RFX4: variants seen among roughly 807,000 people sequenced by gnomAD.
RFX4 encodes the protein regulatory factor X4.
In RFX4, 10 loss-of-function variants were observed where a neutral mutation model predicts 95.0. The ratio of observed to expected loss-of-function variants is 0.11; its 90% CI spans 0.06 to 0.18. The LOEUF (loss-of-function observed/expected upper bound fraction) is 0.18. Ranked by LOEUF, RFX4 falls within the 10% of genes least tolerant of loss-of-function variation. The pLI is 1.00. For missense variants in RFX4, 640 were observed against 922.0 expected, an observed-to-expected ratio of 0.69 and a Z score of 3.96; for synonymous variants, 321 against 340.7, an observed-to-expected ratio of 0.94 and a Z score of 0.64.
chr12:106,727,867 C>T (rs1168586022), intron 13 of RFX4, among the ~76,000 whole-genome samples: 1 of 152,194 alleles, frequency 6.6e-6, no homozygotes, highest in African/African-American at 2.4e-5. Context: ...GATCTGCCCG[C>T]CTCGGCCTCC....
chr12:106,681,236 A>T (rs2041502500), intron 4 of RFX4: 2 of 152,228 alleles, frequency 1.3e-5, no homozygotes, highest in Admixed American at 1.3e-4. Context: ...GCATGTGCCA[A>T]ACCCTGTATG....
At chr12:106,695,495 C>T (rs1252377976) in intron 7 of RFX4, among the ~76,000 whole-genome samples, 2 of 152,212 alleles carry the variant, frequency 1.3e-5, no homozygotes, top group South Asian at 2.1e-4. Flanking sequence ...TGGACATTCA[C>T]TCTGCCCTTC....
In RFX4 at chr12:106,747,817, A is replaced by G. The variant is rs558661157; in HGVS notation, c.1796+218A>G. ...GTGGCTTACACCGATAATCCCTGCT[A>G]CTTGGGAGGCTGAGGTGGGAGAATT... On this transcript the variant is annotated intron_variant, in intron 16 of 17. Transcript: ENST00000392842. Among the ~76,000 whole-genome samples, 3 of 151,970 alleles carry G rather than the reference A, an allele frequency of 2.0e-5. No individual in the cohort carries two copies. In the East Asian group the frequency reaches 5.8e-4, roughly 29 times the overall value.
At chr12:106,734,955 G>C (rs2137570854) in intron 15 of RFX4, among the ~76,000 whole-genome samples, 1 of 151,650 alleles carries the variant, frequency 6.6e-6, no homozygotes, top group East Asian at 1.9e-4. Flanking sequence ...GGTGGAGGCT[G>C]AGATGGGAGG....
intron 4 of RFX4, chr12:106,680,975 C>T (rs1592931173): frequency 6.6e-6 from 1 of 152,190 alleles, no homozygotes; most frequent in South Asian, 2.1e-4. Flanking sequence ...TTCAGGTAGT[C>T]GAGTTCCAGA....
At chr12:106,726,776 CA>C (rs2137545658) in intron 13 of RFX4, among the ~76,000 whole-genome samples, 1 of 152,010 alleles carries the variant, frequency 6.6e-6, no homozygotes, top group Non-Finnish European at 1.5e-5. Flanking sequence ...ATGACTCAAC[CA>C]CACTTTTTTT....
intron 2 of RFX4, among the ~76,000 whole-genome samples, chr12:106,631,131 G>A (rs796907367): frequency 1.3e-5 from 2 of 152,332 alleles, no homozygotes; most frequent in South Asian, 4.1e-4. Flanking sequence ...ACTGTTCACT[G>A]TCTAGGGCAG....
At chr12:106,641,963 ATATC>A (rs201044888) in intron 3 of RFX4, among the ~76,000 whole-genome samples, 15,084 of 118,270 alleles carry the variant, frequency 0.13, 815 homozygotes, top group African/African-American at 0.17. Flanking sequence ...ATCTATATCT[ATATC>A]TATCTATATC....
chr12:106,658,259 A>G (rs2041000811), intron 4 of RFX4, among the ~76,000 whole-genome samples: 3 of 152,124 alleles, frequency 2.0e-5, no homozygotes, highest in Admixed American at 2.0e-4. Context: ...CCATTAGCCC[A>G]TTTACTGAGT....
At chr12:106,627,539 G>GA (rs1182398384) in intron 2 of RFX4, among the ~76,000 whole-genome samples, 2 of 151,990 alleles carry the variant, frequency 1.3e-5, no homozygotes, top group East Asian at 3.9e-4. Flanking sequence ...CTCCGTCTCA[G>GA]AAAAAAACAA....
At chr12:106,748,697 C>T (rs2042940560) in intron 16 of RFX4, among the ~76,000 whole-genome samples, 1 of 152,104 alleles carries the variant, frequency 6.6e-6, no homozygotes, top group African/African-American at 2.4e-5. Flanking sequence ...ACCTGTAATC[C>T]CAGCACTTTG....
At chr12:106,616,070 C>A (rs1374268705) in intron 2 of RFX4, among the ~76,000 whole-genome samples, 1 of 152,134 alleles carries the variant, frequency 6.6e-6, no homozygotes, top group African/African-American at 2.4e-5. Flanking sequence ...TAGTGTTTCA[C>A]CATTAGGTGA....
At chr12:106,616,526 T>C (rs1357190406) in intron 2 of RFX4, among the ~76,000 whole-genome samples, 1 of 152,174 alleles carries the variant, frequency 6.6e-6, no homozygotes, top group East Asian at 1.9e-4. Context: ...TTTTGAAGAG[T>C]TATATAAGAT....
chr12:106,729,365 T>C (rs1382888340), intron 13 of RFX4, among the ~76,000 whole-genome samples: 3 of 152,218 alleles, frequency 2.0e-5, no homozygotes, highest in Non-Finnish European at 4.4e-5. Context: ...TCTTAGAACA[T>C]AGCAGCAAAA....
chr12:106,750,601 A>C, intron 16 of RFX4, 54 bp from the exon 17 acceptor site: 1 of 1,371,192 alleles, frequency 7.3e-7, no homozygotes, highest in Admixed American at 2.8e-5. Context: ...AAGGTGTCAA[A>C]CTGATCTGTT....
chr12:106,746,208 T>C (rs1351130747), intron 15 of RFX4, among the ~76,000 whole-genome samples: 2 of 151,830 alleles, frequency 1.3e-5, no homozygotes, highest in Admixed American at 1.3e-4. Flanking sequence ...ATACAAATAT[T>C]AGCCAGGCAT....
intron 8 of RFX4, among the ~76,000 whole-genome samples, chr12:106,698,697 T>A (rs1276500392): frequency 6.6e-6 from 1 of 151,642 alleles, no homozygotes; most frequent in Non-Finnish European, 1.5e-5. Flanking sequence ...TTCCCTCTCT[T>A]CTTTTTTTTT....
intron 10 of RFX4, among the ~76,000 whole-genome samples, chr12:106,712,645 G>T (rs2042214043): frequency 2.0e-5 from 3 of 152,118 alleles, no homozygotes; most frequent in Non-Finnish European, 4.4e-5. Flanking sequence ...GACAGCACAG[G>T]GGATGATTTG....
At chr12:106,734,130 G>C (rs112970989) in intron 15 of RFX4, among the ~76,000 whole-genome samples, 1 of 152,278 alleles carries the variant, frequency 6.6e-6, no homozygotes, top group African/African-American at 2.4e-5. Context: ...CAAAGTCACA[G>C]ACACAGTGAA....
Sources: gnomAD v4.1 joint callset for allele counts (sites outside exome capture counted in the v4.1 genomes callset) on GRCh38, gnomAD v4.1.1 for gene constraint, MANE v1.5 for transcripts, NCBI Gene and HGNC (gene_info 2026-07-23, HGNC 2026-07-21) for gene names.